The following DOCK10 variants were observed in gnomAD, a reference collection of about 807,000 sequenced individuals.
DOCK10 encodes dedicator of cytokinesis protein 10.
A neutral mutation model predicts 280.1 loss-of-function variants in DOCK10; 145 were observed. That is an observed-to-expected ratio of 0.52 (90% CI 0.45 to 0.59). The LOEUF is 0.59. DOCK10 is among the 20% of genes least tolerant of loss of function. The pLI, the probability that DOCK10 is intolerant of heterozygous loss-of-function variation, is 0.00. For missense variants in DOCK10, 2,368 were observed against 2,651.7 expected, an observed-to-expected ratio of 0.89 and a Z score of 2.35; for synonymous variants, 915 against 942.2, an observed-to-expected ratio of 0.97 and a Z score of 0.53.
chr2:224,791,040 A>T (rs1692155839), intron 47 of DOCK10, among the ~76,000 whole-genome samples: 2 of 152,216 alleles, frequency 1.3e-5, no homozygotes, highest in Non-Finnish European at 2.9e-5. Context: ...CTTGATGGAC[A>T]TACATTATAT....
At chr2:224,829,532 G>A (rs1166135398) in intron 27 of DOCK10, among the ~76,000 whole-genome samples, 2 of 152,208 alleles carry the variant, frequency 1.3e-5, no homozygotes, top group Non-Finnish European at 2.9e-5. Flanking sequence ...CAATGCCAGA[G>A]GTCTTCCCTT....
chr2:224,935,624 T>C (rs1008024027), intron 1 of DOCK10, among the ~76,000 whole-genome samples: 29 of 152,212 alleles, frequency 1.9e-4, no homozygotes, highest in African/African-American at 6.8e-4. Flanking sequence ...AATGGTTTAG[T>C]TAGTGCTGCC....
Position 224,805,068 on chromosome 2 carries a change from T to C in DOCK10, c.4108A>G (p.Ser1370Gly). 6.2e-7 allele frequency: 1 copy of C among 1,608,856 alleles called. No individual in the cohort carries two copies. Among genetic ancestry groups the C allele is most frequent in the East Asian group, 2.2e-5 (1 of 44,712 alleles). The change falls in exon 37 of 56, where the codon AGC (serine) becomes GGC (glycine). Residue 1370 changes from serine to glycine, a missense_variant. Around this residue, in one of 2 missense-constraint regions of DOCK10, gnomAD observed 1,159 missense variants for 1,400.8 expected, o/e 0.83. Transcript: ENST00000258390. This position sits in a 1 kb window ranked among gnomAD's most constrained non-coding sequence, Gnocchi z 4.3. Reference sequence around the variant, plus strand: ...AACTCTAAAACTTACTCCAAGATGCTGAAGAAGTCGGACACCTCTGGGCTG... The same window carrying C: ...AACTCTAAAACTTACTCCAAGATGCCGAAGAAGTCGGACACCTCTGGGCTG... Reference protein sequence around the residue: ...APSPEVSDFFSILDVCLQNFR... With the variant: ...APSPEVSDFFGILDVCLQNFR...
In DOCK10 at chr2:224,801,990, GT is replaced by G; in HGVS notation, c.4318del (p.Thr1440LeufsTer4). 2 of 1,613,162 alleles carry G rather than the reference GT, an allele frequency of 1.2e-6. No homozygotes were observed. The highest frequency in any genetic ancestry group is 1.7e-6 in the Non-Finnish European group (2 of 1,179,360). On this transcript the variant is annotated frameshift_variant, in exon 40 of 56. Transcript: ENST00000258390. LOFTEE classifies it high-confidence loss of function. ...ATTTTTGCCTCGAATTATAGGTAAA[GT>G]TTGTGATCTGTGCTGCTTATGGCCT... ...HEGHKQHRSQ[T>X]LPIIRGKNAL... is the part of the protein sequence containing the mutation.
At chr2:224,917,960 A>G (rs1296173040) in intron 2 of DOCK10, among the ~76,000 whole-genome samples, 1 of 152,180 alleles carries the variant, frequency 6.6e-6, no homozygotes, top group African/African-American at 2.4e-5. Context: ...AATCACAGCT[A>G]TTCATTTAAA....
Position 224,765,695 on chromosome 2 carries a change from G to A in DOCK10, c.*26C>T. The A allele has an allele frequency of 6.8e-7, 1 of 1,475,474 alleles. No homozygotes were observed. The highest frequency in any genetic ancestry group is 9.4e-7 in the Non-Finnish European group (1 of 1,061,180). The allele number at this position is 1,475,474 out of a possible 1,614,324, so 91.4% of individuals were successfully genotyped here. ...GCTGCAAATTCAGAAAGTTCTCTTA[G>A]AGGTGGGTCTGATGCTGCAGAGCCC... is the stretch of plus-strand genomic sequence containing the variant. On this transcript the variant is annotated 3_prime_UTR_variant, in exon 56 of 56. Coordinates refer to ENST00000258390, the MANE Select transcript of DOCK10 (RefSeq NM_014689.3).
At chr2:224,901,460 T>A (rs1241598703) in intron 3 of DOCK10, among the ~76,000 whole-genome samples, 1 of 152,224 alleles carries the variant, frequency 6.6e-6, no homozygotes, top group Non-Finnish European at 1.5e-5. Flanking sequence ...TCCTGGCTCA[T>A]CTTTTTTCAT....
At chr2:225,016,534 TAC>T (rs777690989) in intron 1 of DOCK10, among the ~76,000 whole-genome samples, 3 of 140,364 alleles carry the variant, frequency 2.1e-5, no homozygotes, top group Non-Finnish European at 3.1e-5. Flanking sequence ...TGCACATAGA[TAC>T]ATATATCTAT....
chr2:224,902,803 T>A (rs577311488), intron 3 of DOCK10, among the ~76,000 whole-genome samples: 7 of 152,052 alleles, frequency 4.6e-5, no homozygotes, highest in South Asian at 2.1e-4. Context: ...AGTTAATATT[T>A]AAAAACTTGG....
chr2:224,787,847 A>G (rs540068756), intron 48 of DOCK10, among the ~76,000 whole-genome samples: 2 of 152,230 alleles, frequency 1.3e-5, no homozygotes, highest in African/African-American at 4.8e-5. Flanking sequence ...AAGCTCCACA[A>G]TCAGGCACCA....
chr2:224,854,151 A>G (rs77244384), intron 16 of DOCK10, among the ~76,000 whole-genome samples: 400 of 152,228 alleles, frequency 2.6e-3, no homozygotes, highest in African/African-American at 8.4e-3. Context: ...TTAATACTGC[A>G]GTGGCAATCC....
At chr2:224,844,284 C>T (rs1280054104) in intron 22 of DOCK10, among the ~76,000 whole-genome samples, 1 of 152,160 alleles carries the variant, frequency 6.6e-6, no homozygotes, top group African/African-American at 2.4e-5. Flanking sequence ...GCATGCGTCA[C>T]CATGCCTGAC....
chr2:224,957,293 C>CCT (rs200633601), intron 1 of DOCK10, among the ~76,000 whole-genome samples: 1 of 144,620 alleles, frequency 6.9e-6, no homozygotes, highest in Admixed American at 6.8e-5. Flanking sequence ...CCGCCCCCCC[C>CCT]CGGCTTTGTT....
intron 1 of DOCK10, among the ~76,000 whole-genome samples, chr2:224,965,386 A>G (rs976137086): frequency 1.1e-4 from 16 of 152,178 alleles, no homozygotes; most frequent in African/African-American, 3.6e-4. Context: ...TTCAAGGTCA[A>G]TGTTCCTACA....
chr2:225,028,412 C>T (rs975868104), intron 1 of DOCK10, among the ~76,000 whole-genome samples: 24 of 152,158 alleles, frequency 1.6e-4, no homozygotes, highest in African/African-American at 5.8e-4. Flanking sequence ...ATTCTGCCAA[C>T]AGCCCAAGTA....
chr2:224,776,406 T>C (rs1436789525), intron 51 of DOCK10, among the ~76,000 whole-genome samples: 1 of 152,200 alleles, frequency 6.6e-6, no homozygotes, highest in Non-Finnish European at 1.5e-5. Flanking sequence ...TAAGTTGTTC[T>C]GATACCAAAT....
At chr2:224,995,427 A>G (rs1274343613) in intron 1 of DOCK10, among the ~76,000 whole-genome samples, 2 of 152,238 alleles carry the variant, frequency 1.3e-5, no homozygotes, top group African/African-American at 4.8e-5. Flanking sequence ...CAACACATAT[A>G]ATTCAACAAG....
At chr2:224,941,509 C>T (rs1367258252) in intron 1 of DOCK10, among the ~76,000 whole-genome samples, 1 of 152,076 alleles carries the variant, frequency 6.6e-6, no homozygotes, top group African/African-American at 2.4e-5. Context: ...CACCAGGCAC[C>T]TCAGGGGAAC....
Position 224,787,232 on chromosome 2 carries a change from C to T in DOCK10, c.5541+43G>A, listed in dbSNP as rs540007096. The T allele has an allele frequency of 3.1e-6, 5 of 1,612,714 alleles. No individual in the cohort carries two copies. In the Admixed American group the frequency reaches 8.4e-5, roughly 27 times the overall value. ...AACTGTAAGTAATTTTCCAATTCAA[C>T]ATAGGATATTTTAATTAACTTCTAG... is the stretch of plus-strand genomic sequence containing the variant. On this transcript the variant is annotated intron_variant, in intron 49 of 55. Coordinates refer to ENST00000258390, the MANE Select transcript of DOCK10 (RefSeq NM_014689.3).
Sources: gnomAD v4.1 joint callset for allele counts (sites outside exome capture counted in the v4.1 genomes callset) on GRCh38, gnomAD v4.1.1 for gene constraint, gnomAD v4.1.1 regional missense constraint, Gnocchi (gnomAD v3.1) non-coding constraint, MANE v1.5 for transcripts, NCBI Gene and HGNC (gene_info 2026-07-23, HGNC 2026-07-21) for gene names.